Variants in MAN2A2 observed in about 807,000 individuals in gnomAD.
MAN2A2 encodes the protein mannosidase alpha class 2A member 2.
MAN2A2 carries 79 observed loss-of-function variants against 126.8 expected under a neutral mutation model. The observed-to-expected ratio is 0.62, with a 90% CI of 0.52 to 0.75. The LOEUF is 0.75. Ranked by LOEUF, MAN2A2 falls within the 30% of genes least tolerant of loss-of-function variation. The probability of loss-of-function intolerance (pLI) is 0.00; values close to 1 mark genes in which losing one functional copy is unlikely to be tolerated. For missense variants in MAN2A2, 1,392 were observed against 1,522.4 expected (o/e 0.91, Z 1.43); for synonymous variants, 671 against 618.7 (o/e 1.08, Z -1.25).
intron 2 of MAN2A2, 95 bp downstream of exon 2, chr15:90,904,434 C>T: frequency 1.5e-6 from 2 of 1,354,458 alleles, no homozygotes. Context: ...CCACCCCCCG[C>T]TGGAGGGTAA....
At chr15:90,905,771 C>T (rs1211894599) in intron 4 of MAN2A2, 48 bp downstream of exon 4, 1 of 1,608,338 alleles carries the variant, frequency 6.2e-7, no homozygotes, top group East Asian at 2.2e-5. Flanking sequence ...AGTGGGATTT[C>T]TGATGGCCAA....
chr15:90,914,212 C>G (rs372090574), intron 19 of MAN2A2, among the ~76,000 whole-genome samples: 1 of 152,180 alleles, frequency 6.6e-6, no homozygotes, highest in Non-Finnish European at 1.5e-5. Flanking sequence ...TGCCTATAGT[C>G]CCAGCTACTC....
intron 8 of MAN2A2, among the ~76,000 whole-genome samples, chr15:90,907,703 T>C (rs1387214734): frequency 6.6e-6 from 1 of 152,240 alleles, no homozygotes; most frequent in Non-Finnish European, 1.5e-5. Flanking sequence ...TGAGTACTTC[T>C]TGATGCCCTA....
At position 90,913,379 on chromosome 15, in the gene MAN2A2, C is replaced by A. The variant is rs567433593; in HGVS notation, c.2691C>A (p.Ile897=). ...HIHTDIDSQG[I]FFTDLNGFQV... ...ATACAGACATCGACAGCCAGGGTAT[C>A]TTCTTCACAGACCTCAATGGCTTTC... is the stretch of plus-strand genomic sequence containing the variant. The change falls in exon 18 of 23, where the codon ATC becomes ATA. Residue 897 remains isoleucine (I), a synonymous_variant. Coordinates refer to ENST00000559717, the MANE Select transcript of MAN2A2 (RefSeq NM_006122.4). The A allele has an allele frequency of 2.5e-6, 4 of 1,597,886 alleles. No homozygotes were observed. In the Admixed American group the frequency reaches 5.0e-5, roughly 20 times the overall value.
At chr15:90,903,606 T>G in intron 1 of MAN2A2, 174 bp downstream of exon 1, 1 of 173,786 alleles carries the variant, frequency 5.8e-6, no homozygotes. Context: ...CCCACTGCAG[T>G]GAACAGTAGA....
chr15:90,913,746 C>T lies in MAN2A2; in HGVS notation c.2851C>T (p.Leu951Phe), dbSNP rs1386613444. Residue 951 changes from leucine (L) to phenylalanine (F), a missense_variant, in exon 19 of 23, where the codon CTC becomes TTC. Leu to Phe is a conservative substitution (Grantham distance 22, BLOSUM62 0). Transcript: ENST00000559717. ...HTAQALGVSS[L>F]KDGQLEVILD... ...TGCCCAGGCCCTGGGTGTCTCTAGCCTCAAAGATGGTGAGTAGGGCCCAGG... is the reference window on the plus strand; with the variant it reads ...TGCCCAGGCCCTGGGTGTCTCTAGCTTCAAAGATGGTGAGTAGGGCCCAGG... The T allele has an allele frequency of 1.3e-6, 2 of 1,594,522 alleles. No individual in the cohort carries two copies. The highest frequency in any genetic ancestry group is 1.7e-6 in the Non-Finnish European group (2 of 1,169,474).
At position 90,912,953 on chromosome 15, in the gene MAN2A2, A is replaced by G; in HGVS notation, c.2546A>G (p.Glu849Gly). ...PFFSEVVAYY[E>G]HIHQAVRLYN... Reference sequence around the variant, plus strand: ...TTCTCAGAGGTGGTTGCGTACTATGAGCACATTCACCAGGCGGTCCGGCTT... The same window carrying G: ...TTCTCAGAGGTGGTTGCGTACTATGGGCACATTCACCAGGCGGTCCGGCTT... The change falls in exon 17 of 23, where the codon GAG becomes GGG. Residue 849 changes from glutamate to glycine, a missense_variant. Physicochemically the swap from Glu to Gly is moderately conservative, Grantham distance 98. Coordinates refer to ENST00000559717, the MANE Select transcript of MAN2A2 (RefSeq NM_006122.4). 1 of 1,614,062 alleles carries G rather than the reference A, an allele frequency of 6.2e-7. No individual in the cohort carries two copies. The highest frequency in any genetic ancestry group is 8.5e-7 in the Non-Finnish European group (1 of 1,179,954).
chr15:90,919,381 G>A (rs2035428061), intron 22 of MAN2A2, among the ~76,000 whole-genome samples: 1 of 152,264 alleles, frequency 6.6e-6, no homozygotes, highest in Non-Finnish European at 1.5e-5. Context: ...TGGGATTACA[G>A]GCGCCTGCCC....
In MAN2A2 at chr15:90,910,280, A is replaced by G. The variant is rs1246073041; in HGVS notation, c.1565A>G (p.Glu522Gly). 1.2e-6 allele frequency: 2 copies of G among 1,614,062 alleles called. No homozygotes were observed. The highest frequency in any genetic ancestry group is 3.3e-5 in the Admixed American group (2 of 60,016). Reference protein sequence around the residue: ...PFYKSLDRVLEAHLRGAEVLY... With the variant: ...PFYKSLDRVLGAHLRGAEVLY... ...TACAAGAGCTTAGACCGAGTCCTGG[A>G]AGCCCACCTGCGGTGAGACCCTGTC... The change falls in exon 10 of 23, where the codon GAA becomes GGA. Residue 522 changes from glutamate (E) to glycine (G), a missense_variant. Transcript: ENST00000559717.
At chr15:90,905,196 G>C in intron 2 of MAN2A2, 55 bp from the exon 3 acceptor site, 9 of 1,586,688 alleles carry the variant, frequency 5.7e-6, no homozygotes, top group Non-Finnish European at 7.7e-6. Context: ...CCCAAGCAGA[G>C]ACCCTCCCTG....
At chr15:90,911,114 G>A in intron 12 of MAN2A2, 57 bp from the exon 13 acceptor site, 1 of 1,567,318 alleles carries the variant, frequency 6.4e-7, no homozygotes, top group South Asian at 1.1e-5. Context: ...GGGACAGGTG[G>A]GGTGGGAGGA....
intron 6 of MAN2A2, 51 bp downstream of exon 6, chr15:90,906,548 G>T: frequency 6.2e-7 from 1 of 1,613,356 alleles, no homozygotes; most frequent in Non-Finnish European, 8.5e-7. Flanking sequence ...GTAAGGCACA[G>T]GCAGGGGCTG....
In MAN2A2 at chr15:90,910,937, C is replaced by T. The variant is rs1306816146; in HGVS notation, c.1851C>T (p.Asp617=). ...VLGDKETYHF[D]PEAPFLQVDD... ...GGGACAAGGAGACCTACCACTTTGA[C>T]CCTGAGGCGCCCTTCCTCCAAGTGG... Residue 617 remains aspartate (D), a synonymous_variant, in exon 12 of 23, where the codon GAC becomes GAT. Coordinates refer to ENST00000559717, the MANE Select transcript of MAN2A2 (RefSeq NM_006122.4). 5.6e-6 allele frequency: 9 copies of T among 1,613,944 alleles called. No individual in the cohort carries two copies. Among genetic ancestry groups the T allele is most frequent in the Non-Finnish European group, 5.1e-6 (6 of 1,179,976 alleles).
chr15:90,906,237 T>C, intron 5 of MAN2A2, 133 bp from the exon 6 acceptor site: 1 of 1,323,828 alleles, frequency 7.6e-7, no homozygotes, highest in Non-Finnish European at 1.0e-6. Context: ...GGAGGGCAAG[T>C]GTGTGTTCTC....
In MAN2A2 at chr15:90,918,477, T is replaced by C. The variant is rs986219328; in HGVS notation, c.3189+89T>C. 7 of 1,434,406 alleles carry C rather than the reference T, an allele frequency of 4.9e-6. No homozygotes were observed. In the African/African-American group the frequency reaches 8.5e-5, roughly 17 times the overall value. The allele number at this position is 1,434,406 out of a possible 1,614,324, so 88.9% of individuals were successfully genotyped here. ...TCCTTCCTTAGCCTCCAGGATGAGG[T>C]CCAGACCCCTTAGCAGGTATTCGGC... is the stretch of plus-strand genomic sequence containing the variant. On this transcript the variant is annotated intron_variant, in intron 21 of 22. Coordinates refer to ENST00000559717, the MANE Select transcript of MAN2A2 (RefSeq NM_006122.4).
intron 20 of MAN2A2, chr15:90,916,708 C>A (rs554224043): frequency 1.6e-6 from 2 of 1,266,298 alleles, no homozygotes; most frequent in East Asian, 5.6e-5. Context: ...CAAGGTGTAG[C>A]TGCGCCAGAG....
In MAN2A2 at chr15:90,911,110, G is replaced by A. The variant is rs1258448797; in HGVS notation, c.1876-61G>A. 72 of 1,574,224 alleles carry A rather than the reference G, an allele frequency of 4.6e-5. No individual in the cohort carries two copies. In the Middle Eastern group the frequency reaches 5.0e-4, roughly 11 times the overall value. On this transcript the variant is annotated intron_variant, in intron 12 of 22. Transcript: ENST00000559717. ...CAGCCGCTGGTCCACACCTGGGACAGGTGGGGTGGGAGGAGGCTGAGCCCA... is the reference window on the plus strand; with the variant it reads ...CAGCCGCTGGTCCACACCTGGGACAAGTGGGGTGGGAGGAGGCTGAGCCCA...
intron 9 of MAN2A2, 100 bp downstream of exon 9, chr15:90,909,604 C>CTT: frequency 2.5e-6 from 3 of 1,202,904 alleles, no homozygotes; most frequent in East Asian, 2.7e-5. Context: ...AGGGTGCCCC[C>CTT]CTTTTTTTTT....
Position 90,907,340 on chromosome 15 carries a change from C to T in MAN2A2, c.1041C>T (p.His347=). The T allele has an allele frequency of 1.2e-6, 2 of 1,614,124 alleles. No homozygotes were observed. The highest frequency in any genetic ancestry group is 1.7e-6 in the Non-Finnish European group (2 of 1,179,980). The change falls in exon 8 of 23, where the codon CAC becomes CAT. Residue 347 remains histidine, a synonymous_variant. Transcript: ENST00000559717. ...ACTCCAGCACAGACATCTTCTGTCA[C>T]ATGATGCCCTTCTACAGCTATGACG... ...DSDSSTDIFC[H]MMPFYSYDVP...
Sources: gnomAD v4.1 joint callset for allele counts (sites outside exome capture counted in the v4.1 genomes callset) on GRCh38, gnomAD v4.1.1 for gene constraint, MANE v1.5 for transcripts, NCBI Gene and HGNC (gene_info 2026-07-23, HGNC 2026-07-21) for gene names.